Variants in SYNRG observed in about 807,000 individuals in gnomAD.
SYNRG encodes the protein synergin gamma, also known as AP1 gamma subunit binding protein 1.
In SYNRG, 37 loss-of-function variants were observed where a neutral mutation model predicts 130.9. That is an observed-to-expected ratio of 0.28 (90% CI 0.22 to 0.37). The LOEUF is 0.37. Among genes scored for constraint, SYNRG ranks in the 10% least tolerant of loss-of-function variants. SYNRG has a pLI of 1.00. For synonymous variants in SYNRG, 539 were observed against 568.1 expected (o/e 0.95, Z 0.73); for missense variants, 1,338 against 1,588.9 (o/e 0.84, Z 2.68).
In SYNRG at chr17:37,609,181, G is replaced by T; in HGVS notation, c.77+98C>A. On this transcript the variant is annotated intron_variant, in intron 1 of 21. Transcript: ENST00000612223. ...CCTCCTCCCGCAGCCCAGTTCCAAGGAAAAGGATCAGGGCTGGAGAAAACT... is the reference window on the plus strand; with the variant it reads ...CCTCCTCCCGCAGCCCAGTTCCAAGTAAAAGGATCAGGGCTGGAGAAAACT... The T allele has an allele frequency of 1.0e-5, 13 of 1,262,436 alleles. 1 individual carries two copies. In the South Asian group the frequency reaches 2.6e-4, roughly 26 times the overall value. 78.2% of individuals were successfully genotyped at this position (1,262,436 alleles called of 1,614,324 possible).
chr17:37,562,390 TTTC>T (rs35772731), intron 11 of SYNRG, among the ~76,000 whole-genome samples: 76 of 151,796 alleles, frequency 5.0e-4, no homozygotes, highest in South Asian at 1.9e-3. Flanking sequence ...AGCATTACTT[TTTC>T]TTCTTCTTCT....
rs746651349 is a variant in SYNRG, at chr17:37,536,032, T to C, written c.3613A>G (p.Ile1205Val). Residue 1205 changes from isoleucine (I) to valine (V), a missense_variant, in exon 19 of 22, where the codon ATC (isoleucine) becomes GTC (valine). Around this residue, in one of 3 missense-constraint regions of SYNRG, gnomAD observed 1,146 missense variants for 1,342.3 expected, o/e 0.85. Coordinates refer to ENST00000612223, the MANE Select transcript of SYNRG (RefSeq NM_007247.6). Reference sequence around the variant, plus strand: ...ATTAGGTTATTCCATACTTTATCGATGTCCTTCAGCAACTGCTGGAGTTTC... The same window carrying C: ...ATTAGGTTATTCCATACTTTATCGACGTCCTTCAGCAACTGCTGGAGTTTC... ...SEKLQQLLKD[I>V]DKVWNNLIGF... is the part of the protein sequence containing the mutation. The C allele has an allele frequency of 3.1e-6, 5 of 1,613,990 alleles. No individual in the cohort carries two copies. Among genetic ancestry groups the C allele is most frequent in the South Asian group, 2.2e-5 (2 of 91,088 alleles).
At chr17:37,592,908 G>A (rs140466105) in intron 3 of SYNRG, among the ~76,000 whole-genome samples, 27 of 152,238 alleles carry the variant, frequency 1.8e-4, no homozygotes, top group Non-Finnish European at 2.8e-4. Context: ...TAGGGGAACT[G>A]GGCAAAGGAT....
At position 37,517,725 on chromosome 17, in the gene SYNRG, C is replaced by G. The variant is rs557704748; in HGVS notation, c.*1215G>C. The G allele has an allele frequency of 4.6e-5, 7 of 152,164 alleles. No homozygotes were observed. The East Asian group carries it at 1.4e-3, about 29-fold the overall frequency. 9.4% of individuals were successfully genotyped at this position (152,164 alleles called of 1,614,324 possible). On this transcript the variant is annotated 3_prime_UTR_variant, in exon 22 of 22. Coordinates refer to ENST00000612223, the MANE Select transcript of SYNRG (RefSeq NM_007247.6). ...TCTAAACCACACAAAGTAAAGCACA[C>G]GAGATTGAAAAATCTCTTCATAAAG...
intron 10 of SYNRG, among the ~76,000 whole-genome samples, chr17:37,570,344 C>A (rs2060329496): frequency 1.3e-5 from 2 of 149,416 alleles, no homozygotes; most frequent in Non-Finnish European, 3.0e-5. Context: ...ATTGCTATTG[C>A]CAAGTCTGCC....
intron 2 of SYNRG, 146 bp downstream of exon 2, chr17:37,600,217 T>C (rs1231942077): frequency 6.4e-6 from 4 of 626,580 alleles, no homozygotes; most frequent in East Asian, 2.9e-5. Flanking sequence ...AGAGTAGCTG[T>C]CATATAGGAC....
At chr17:37,572,809 G>T (rs1273145760) in intron 8 of SYNRG, among the ~76,000 whole-genome samples, 1 of 152,188 alleles carries the variant, frequency 6.6e-6, no homozygotes, top group African/African-American at 2.4e-5. Context: ...GGTACAGTTG[G>T]TGAGTTTTTG....
rs1344283361 is a variant in SYNRG, at chr17:37,572,061, T to A, written c.902-74A>T. The A allele has an allele frequency of 6.3e-6, 8 of 1,278,132 alleles. No homozygotes were observed. The East Asian group carries it at 1.9e-4, about 30-fold the overall frequency. 79.2% of individuals were successfully genotyped at this position (1,278,132 alleles called of 1,614,324 possible). A position where few individuals can be genotyped will look rare whatever the true frequency, so the allele number is the denominator to read the frequency against. On this transcript the variant is annotated intron_variant, in intron 8 of 21. Coordinates refer to ENST00000612223, the MANE Select transcript of SYNRG (RefSeq NM_007247.6). The stretch of plus-strand genomic sequence containing the variant: ...TTATTTTTTGGGATGCCATTGTTGG[T>A]ATACAAGAATAATCTTCAACAAAAC...
chr17:37,600,255 T>A (rs2147010556), intron 2 of SYNRG, 108 bp downstream of exon 2: 1 of 969,038 alleles, frequency 1.0e-6, no homozygotes, highest in South Asian at 1.7e-5. Flanking sequence ...CAGAAAATTT[T>A]ACTCTATTCA....
intron 13 of SYNRG, 148 bp from the exon 14 acceptor site, chr17:37,554,207 C>A: frequency 1.5e-6 from 1 of 678,450 alleles, no homozygotes; most frequent in Non-Finnish European, 2.3e-6. Context: ...TAAACCCTAT[C>A]GAACTACACA....
At chr17:37,540,773 T>G (rs2057683015) in intron 15 of SYNRG, 2 of 733,736 alleles carry the variant, frequency 2.7e-6, no homozygotes, top group South Asian at 6.9e-5. Flanking sequence ...TAGCTGGGAC[T>G]ACAGGTGCAC....
At chr17:37,591,091 A>G (rs1268160563) in intron 3 of SYNRG, among the ~76,000 whole-genome samples, 3 of 152,194 alleles carry the variant, frequency 2.0e-5, no homozygotes, top group Non-Finnish European at 4.4e-5. Flanking sequence ...TGGAATCCAC[A>G]AAAAAATTCC....
intron 6 of SYNRG, among the ~76,000 whole-genome samples, chr17:37,582,099 T>C (rs975487633): frequency 1.3e-5 from 2 of 152,162 alleles, no homozygotes; most frequent in Non-Finnish European, 2.9e-5. Context: ...TGCTTTAATA[T>C]GACTAAAGTC....
intron 11 of SYNRG, among the ~76,000 whole-genome samples, chr17:37,565,135 G>A (rs985125644): frequency 6.6e-5 from 10 of 152,060 alleles, no homozygotes; most frequent in African/African-American, 2.4e-4. Flanking sequence ...GTAGTGGCGC[G>A]TGCCTGTAGT....
chr17:37,600,196 G>A (rs150564830), intron 2 of SYNRG, among the ~76,000 whole-genome samples, 167 bp downstream of exon 2: 1 of 152,194 alleles, frequency 6.6e-6, no homozygotes, highest in African/African-American at 2.4e-5. Context: ...TATAATTTTT[G>A]AGAAAATTTA....
chr17:37,543,743 G>A (rs1029586892), intron 14 of SYNRG, among the ~76,000 whole-genome samples: 10 of 152,218 alleles, frequency 6.6e-5, no homozygotes, highest in African/African-American at 2.4e-4. Flanking sequence ...AAGCAAAAAT[G>A]AAAAGTCAAC....
intron 1 of SYNRG, among the ~76,000 whole-genome samples, chr17:37,607,533 A>C (rs2063855161): frequency 6.6e-6 from 1 of 152,214 alleles, no homozygotes; most frequent in South Asian, 2.1e-4. Context: ...TCAAGCCTGT[A>C]ATTCTAGAAC....
At chr17:37,598,489 A>G (rs2062976129) in intron 2 of SYNRG, among the ~76,000 whole-genome samples, 1 of 152,172 alleles carries the variant, frequency 6.6e-6, no homozygotes, top group Admixed American at 6.5e-5. Flanking sequence ...AACTGATTTT[A>G]TTTTATTTCT....
In SYNRG at chr17:37,585,474, T is replaced by C. The variant is rs1275690656; in HGVS notation, c.372-44A>G. 3.9e-6 allele frequency: 5 copies of C among 1,290,134 alleles called. No individual in the cohort carries two copies. The African/African-American group carries it at 4.4e-5, about 11-fold the overall frequency. The allele number at this position is 1,290,134 out of a possible 1,614,324, so 79.9% of individuals were successfully genotyped here. The stretch of plus-strand genomic sequence containing the variant: ...AATAAAGAACCAGCTCCCGGGATTA[T>C]ACACTGTGTTTTATATTCAGATTTC... On this transcript the variant is annotated intron_variant, in intron 4 of 21. Coordinates refer to ENST00000612223, the MANE Select transcript of SYNRG (RefSeq NM_007247.6).
Sources: gnomAD v4.1 joint callset for allele counts (sites outside exome capture counted in the v4.1 genomes callset) on GRCh38, gnomAD v4.1.1 for gene constraint, gnomAD v4.1.1 regional missense constraint, MANE v1.5 for transcripts, NCBI Gene and HGNC (gene_info 2026-07-23, HGNC 2026-07-21) for gene names.